Variants in FHIT observed in about 807,000 individuals in gnomAD.
FHIT encodes bis(5'-adenosyl)-triphosphatase.
A neutral mutation model predicts 17.9 loss-of-function variants in FHIT; 19 were observed. The observed-to-expected ratio is 1.06, with a 90% confidence interval of 0.74 to 1.56. The LOEUF is 1.56. Ranked by LOEUF, FHIT falls within the 40% of genes most tolerant of loss-of-function variation. FHIT has a pLI of 0.00. For synonymous variants in FHIT, 81 were observed against 69.7 expected, an observed-to-expected ratio of 1.16 and a Z score of -0.81; for missense variants, 248 against 189.2, an observed-to-expected ratio of 1.31 and a Z score of -1.82.
chr3:60,691,606 A>AT (rs2040993275), intron 4 of FHIT, among the ~76,000 whole-genome samples: 1 of 152,052 alleles, frequency 6.6e-6, no homozygotes. Flanking sequence ...GGCTTGAGCA[A>AT]TCTGCCTGCA....
rs191221324 is a variant in FHIT, at chr3:60,333,747, A to G, written c.103+203113T>C. 8.1e-4 allele frequency among the ~76,000 whole-genome samples: 124 copies of G among 152,312 alleles called. 1 individual carries two copies. The East Asian group carries it at 0.019, about 23-fold the overall frequency. ...AAATTGATTCTCCCAGTCTTAAAAC[A>G]TGAGAAAGTTATGTTTGTCTTTTCT... On this transcript the variant is annotated intron_variant, in intron 5 of 9. Coordinates refer to ENST00000492590, the MANE Select transcript of FHIT (RefSeq NM_002012.4).
At chr3:60,641,509 C>T (rs1553685279) in intron 4 of FHIT, among the ~76,000 whole-genome samples, 1 of 151,972 alleles carries the variant, frequency 6.6e-6, no homozygotes, top group Non-Finnish European at 1.5e-5. Flanking sequence ...TCTCAGGGGC[C>T]CAGAAACATG....
chr3:60,631,739 C>T (rs1239991791), intron 4 of FHIT, among the ~76,000 whole-genome samples: 5 of 152,208 alleles, frequency 3.3e-5, no homozygotes, highest in Admixed American at 6.5e-5. Context: ...GTGTGTCGCA[C>T]GGCATCCCCA....
chr3:59,849,541 T>C (rs895501499), intron 8 of FHIT, among the ~76,000 whole-genome samples: 8 of 152,050 alleles, frequency 5.3e-5, no homozygotes, highest in Admixed American at 1.3e-4. Context: ...CCCACAAATA[T>C]ATACAGCCTC....
At chr3:60,692,948 A>G (rs782538630) in intron 4 of FHIT, among the ~76,000 whole-genome samples, 2 of 152,194 alleles carry the variant, frequency 1.3e-5, no homozygotes, top group Non-Finnish European at 2.9e-5. Context: ...CCAAATGATT[A>G]AAGGTCTTCC....
intron 3 of FHIT, among the ~76,000 whole-genome samples, chr3:60,962,824 G>C (rs1279150084): frequency 2.6e-5 from 4 of 152,116 alleles, no homozygotes; most frequent in African/African-American, 9.7e-5. Flanking sequence ...TGCTGGATTT[G>C]TTTTGCCAGT....
At chr3:60,319,234 A>T (rs1709306561) in intron 5 of FHIT, among the ~76,000 whole-genome samples, 1 of 152,024 alleles carries the variant, frequency 6.6e-6, no homozygotes, top group Non-Finnish European at 1.5e-5. Context: ...TTTTCTTCTT[A>T]ATACTAGTTC....
intron 5 of FHIT, among the ~76,000 whole-genome samples, chr3:60,019,857 C>A: frequency 6.6e-6 from 1 of 152,218 alleles, no homozygotes; most frequent in East Asian, 1.9e-4. Context: ...TGAGCTTCCC[C>A]AACCAAAGCT....
intron 4 of FHIT, among the ~76,000 whole-genome samples, chr3:60,614,816 TTTTGTTTTTTTTTTGTTTTTTTTTTG>T (rs2038898089): frequency 1.5e-5 from 1 of 67,388 alleles, no homozygotes; most frequent in Non-Finnish European, 3.2e-5. Flanking sequence ...GTTGTTTTTT[TTTTGTTTTTTTTTTGTTTTTTTTTTG>T]TTTTTTGAGA....
At chr3:60,301,799 C>T (rs1708468300) in intron 5 of FHIT, among the ~76,000 whole-genome samples, 1 of 152,102 alleles carries the variant, frequency 6.6e-6, no homozygotes, top group Admixed American at 6.6e-5. Flanking sequence ...GAGTAGGGAG[C>T]AGGGTGTAGA....
intron 5 of FHIT, among the ~76,000 whole-genome samples, chr3:60,280,684 C>T (rs1171821105): frequency 1.3e-5 from 2 of 152,062 alleles, no homozygotes; most frequent in Non-Finnish European, 2.9e-5. Flanking sequence ...TTTTAGACTT[C>T]TGGCTTTCAG....
intron 5 of FHIT, among the ~76,000 whole-genome samples, chr3:60,208,229 C>A (rs551420242): frequency 6.6e-6 from 1 of 152,320 alleles, no homozygotes; most frequent in East Asian, 1.9e-4. Context: ...TCCACTGCCA[C>A]AGGCAACACT....
chr3:60,132,382 G>A (rs1241822190), intron 5 of FHIT, among the ~76,000 whole-genome samples: 1 of 152,094 alleles, frequency 6.6e-6, no homozygotes, highest in Non-Finnish European at 1.5e-5. Context: ...TTTGTTAAAC[G>A]AATGAACATA....
In FHIT at chr3:60,078,581, A is replaced by G. The variant is rs184679857; in HGVS notation, c.104-64429T>C. On this transcript the variant is annotated intron_variant, in intron 5 of 9. Transcript: ENST00000492590. Reference sequence around the variant, plus strand: ...CTGGAATGGATCCTGGACCCAAATAAAAGACAATGGCAGCATTTCCATAAG... The same window carrying G: ...CTGGAATGGATCCTGGACCCAAATAGAAGACAATGGCAGCATTTCCATAAG... Among the ~76,000 whole-genome samples the G allele has an allele frequency of 1.5e-3, 222 of 152,250 alleles. 1 individual carries two copies. The highest frequency in any genetic ancestry group is 2.8e-3 in the Non-Finnish European group (188 of 67,990).
At chr3:60,149,985 CCTTT>C (rs1201845488) in intron 5 of FHIT, among the ~76,000 whole-genome samples, 2,949 of 50,760 alleles carry the variant, frequency 0.058, 216 homozygotes, top group African/African-American at 0.19. Context: ...AACCTTTAAG[CCTTT>C]TTTTTTTTTT....
At chr3:60,171,850 C>T (rs1487568238) in intron 5 of FHIT, among the ~76,000 whole-genome samples, 1 of 144,268 alleles carries the variant, frequency 6.9e-6, no homozygotes, top group Non-Finnish European at 1.5e-5. Context: ...GGATTATAAC[C>T]ATGTGCCACC....
At chr3:60,732,161 A>G (rs2042043474) in intron 4 of FHIT, 12 of 777,024 alleles carry the variant, frequency 1.5e-5, no homozygotes, top group Non-Finnish European at 2.4e-5. Context: ...AGCTGTCCAC[A>G]GTCAGCAATG....
intron 3 of FHIT, among the ~76,000 whole-genome samples, chr3:60,960,956 G>A (rs1709403020): frequency 1.3e-5 from 2 of 152,214 alleles, no homozygotes; most frequent in Admixed American, 1.3e-4. Context: ...CCAGTAATGG[G>A]ATGGCTGGGT....
intron 1 of FHIT, among the ~76,000 whole-genome samples, chr3:61,202,289 C>A (rs2039045430): frequency 6.7e-6 from 1 of 149,444 alleles, no homozygotes; most frequent in Non-Finnish European, 1.5e-5. Flanking sequence ...CTCTGCCTGG[C>A]CGCTGCCCTG....
Sources: allele counts gnomAD v4.1 joint callset (sites outside exome capture counted in the v4.1 genomes callset), GRCh38; gene constraint gnomAD v4.1.1; transcripts MANE v1.5; gene names NCBI Gene and HGNC (gene_info 2026-07-23, HGNC 2026-07-21).